MICU1: variants seen among roughly 807,000 people sequenced by gnomAD.
MICU1 encodes the protein mitochondrial calcium uptake 1.
MICU1 carries 45 observed loss-of-function variants against 56.8 expected under a neutral mutation model. The observed-to-expected ratio is 0.79, with a 90% CI of 0.62 to 1.02. The LOEUF (loss-of-function observed/expected upper bound fraction) is 1.02, where lower values mean the gene tolerates loss of function less well. MICU1 is among the 50% of genes least tolerant of loss of function. The probability of loss-of-function intolerance (pLI) is 0.00; values close to 1 mark genes in which losing one functional copy is unlikely to be tolerated. For missense variants in MICU1, 504 were observed against 587.1 expected, an observed-to-expected ratio of 0.86 and a Z score of 1.46; for synonymous variants, 186 against 195.1, an observed-to-expected ratio of 0.95 and a Z score of 0.39.
chr10:72,438,826 T>C (rs1399503880), intron 8 of MICU1, among the ~76,000 whole-genome samples: 1 of 152,064 alleles, frequency 6.6e-6, no homozygotes, highest in African/African-American at 2.4e-5. Context: ...CCTGGACACA[T>C]ACACCCTCCT....
intron 6 of MICU1, 104 bp downstream of exon 6, chr10:72,508,051 T>C (rs951135935): frequency 3.0e-5 from 16 of 539,772 alleles, no homozygotes; most frequent in Admixed American, 4.2e-5. Context: ...TTCATTATAA[T>C]TCATTAACTC....
intron 9 of MICU1, among the ~76,000 whole-genome samples, chr10:72,410,415 C>T (rs1454045586): frequency 6.6e-6 from 1 of 152,084 alleles, no homozygotes; most frequent in Non-Finnish European, 1.5e-5. Flanking sequence ...TCAAGAGTTC[C>T]AGACCAGCCT....
intron 8 of MICU1, among the ~76,000 whole-genome samples, chr10:72,423,755 A>G (rs922384269): frequency 6.6e-6 from 1 of 152,218 alleles, no homozygotes; most frequent in African/African-American, 2.4e-5. Context: ...CGATATCCTG[A>G]TATCTTATGA....
chr10:72,399,125 A>G lies in MICU1; in HGVS notation c.1180+8804T>C, dbSNP rs1348223864. Among the ~76,000 whole-genome samples, 4 of 152,352 alleles carry G rather than the reference A, an allele frequency of 2.6e-5. No homozygotes were observed. In the East Asian group the frequency reaches 7.7e-4, roughly 29 times the overall value. ...CAAGTCAGCTTCATCCCTAGGATGC[A>G]AGGCTGGTTCAACATACGCAAACCA... On this transcript the variant is annotated intron_variant, in intron 10 of 11. Transcript: ENST00000361114.
intron 8 of MICU1, among the ~76,000 whole-genome samples, chr10:72,472,265 C>T (rs1229362078): frequency 7.9e-5 from 12 of 152,130 alleles, no homozygotes; most frequent in African/African-American, 1.4e-4. Flanking sequence ...AGGAAAACGT[C>T]GCTAACTAGA....
At chr10:72,531,873 A>G (rs528935229) in intron 5 of MICU1, among the ~76,000 whole-genome samples, 24 of 152,026 alleles carry the variant, frequency 1.6e-4, no homozygotes, top group Middle Eastern at 3.4e-3. Context: ...TATTCATTAC[A>G]TAAGGTTTTA....
intron 10 of MICU1, among the ~76,000 whole-genome samples, chr10:72,407,359 T>G (rs1408878044): frequency 6.6e-6 from 1 of 152,230 alleles, no homozygotes; most frequent in Admixed American, 6.5e-5. Context: ...AAATAATTAT[T>G]TCAACTGTTC....
At chr10:72,418,519 T>A (rs1247612984) in intron 9 of MICU1, among the ~76,000 whole-genome samples, 3 of 152,162 alleles carry the variant, frequency 2.0e-5, no homozygotes, top group African/African-American at 7.2e-5. Context: ...TCTCTTTCTG[T>A]CTCTATATTC....
At chr10:72,591,761 G>C (rs138243881) in intron 1 of MICU1, among the ~76,000 whole-genome samples, 3 of 151,966 alleles carry the variant, frequency 2.0e-5, no homozygotes, top group Non-Finnish European at 4.4e-5. Context: ...GGTGGCTCAC[G>C]CTTGTAATCC....
intron 1 of MICU1, among the ~76,000 whole-genome samples, chr10:72,588,000 T>C (rs1014227923): frequency 1.3e-5 from 2 of 152,112 alleles, no homozygotes; most frequent in Non-Finnish European, 2.9e-5. Context: ...TGGATTTATG[T>C]CCCCACCTAA....
intron 1 of MICU1, among the ~76,000 whole-genome samples, chr10:72,609,733 C>CA (rs1248783651): frequency 0.014 from 1,437 of 103,012 alleles, 21 homozygotes; most frequent in South Asian, 0.079. Flanking sequence ...GACCCCGTCT[C>CA]AAAAAAAAAA....
intron 6 of MICU1, among the ~76,000 whole-genome samples, chr10:72,507,544 A>G (rs993936941): frequency 6.6e-6 from 1 of 152,238 alleles, no homozygotes; most frequent in African/African-American, 2.4e-5. Context: ...TTATTGGAGA[A>G]GCAGTAAGTT....
chr10:72,412,939 G>A (rs970196803), intron 9 of MICU1, among the ~76,000 whole-genome samples: 4 of 151,834 alleles, frequency 2.6e-5, no homozygotes, highest in Non-Finnish European at 1.5e-5. Flanking sequence ...GCTCATGCCT[G>A]TAATCCCAGC....
chr10:72,442,433 C>T (rs1422509546), intron 8 of MICU1, among the ~76,000 whole-genome samples: 4 of 152,086 alleles, frequency 2.6e-5, no homozygotes, highest in African/African-American at 9.7e-5. Flanking sequence ...CGTGAGCCAC[C>T]ACGCCTGGCC....
At position 72,574,168 on chromosome 10, in the gene MICU1, T is replaced by A. The variant is rs149370496; in HGVS notation, c.-1-7374A>T. On this transcript the variant is annotated intron_variant, in intron 1 of 11. Transcript: ENST00000361114. ...GTTGTTGAAAGCAGCACCTGCTAAC[T>A]CTGTGGCCAAGAAACATATCTGAGA... Among the ~76,000 whole-genome samples, 135 of 152,222 alleles carry A rather than the reference T, an allele frequency of 8.9e-4. 1 individual carries two copies. The Middle Eastern group carries it at 0.01, about 12-fold the overall frequency.
intron 1 of MICU1, among the ~76,000 whole-genome samples, chr10:72,622,339 T>G (rs1229324975): frequency 6.6e-6 from 1 of 152,154 alleles, no homozygotes; most frequent in Admixed American, 6.6e-5. Context: ...ACCTCAATTT[T>G]TCTTTAGGAA....
intron 1 of MICU1, among the ~76,000 whole-genome samples, chr10:72,578,659 G>A (rs183204334): frequency 1.3e-5 from 2 of 152,200 alleles, no homozygotes; most frequent in African/African-American, 4.8e-5. Flanking sequence ...CCAGGCTGGA[G>A]TACAGTGGTG....
intron 6 of MICU1, among the ~76,000 whole-genome samples, chr10:72,493,327 CATTAT>C (rs1866730858): frequency 6.6e-6 from 1 of 152,128 alleles, no homozygotes; most frequent in Non-Finnish European, 1.5e-5. Context: ...GCATTACATA[CATTAT>C]ATTAAGAACT....
chr10:72,414,192 C>T (rs575187551), intron 9 of MICU1, among the ~76,000 whole-genome samples: 1 of 152,212 alleles, frequency 6.6e-6, no homozygotes, highest in Non-Finnish European at 1.5e-5. Flanking sequence ...CAGCATTATT[C>T]CTAATAGCCC....
Sources: allele counts gnomAD v4.1 joint callset (sites outside exome capture counted in the v4.1 genomes callset), GRCh38; gene constraint gnomAD v4.1.1; transcripts MANE v1.5; gene names NCBI Gene and HGNC (gene_info 2026-07-23, HGNC 2026-07-21).